Variants in BMP6 observed in about 807,000 individuals in gnomAD.
The protein encoded by BMP6 is VG-1-R.
BMP6 carries 17 observed loss-of-function variants against 54.1 expected under a neutral mutation model. The ratio of observed to expected loss-of-function variants is 0.31; its 90% CI spans 0.22 to 0.47. The LOEUF (loss-of-function observed/expected upper bound fraction) is 0.47, where lower values mean the gene tolerates loss of function less well. Ranked by LOEUF, BMP6 falls within the 20% of genes least tolerant of loss-of-function variation. BMP6 has a pLI of 1.00. For synonymous variants in BMP6, 328 were observed against 291.2 expected, an observed-to-expected ratio of 1.13 and a Z score of -1.28; for missense variants, 720 against 690.4, an observed-to-expected ratio of 1.04 and a Z score of -0.48.
intron 1 of BMP6, among the ~76,000 whole-genome samples, chr6:7,802,353 A>G (rs1419932020): frequency 6.6e-6 from 1 of 152,244 alleles, no homozygotes; most frequent in Non-Finnish European, 1.5e-5. Context: ...CTATGATGGT[A>G]ATGAAACAGG....
intron 1 of BMP6, among the ~76,000 whole-genome samples, chr6:7,796,879 A>G (rs1758198693): frequency 6.6e-6 from 1 of 152,240 alleles, no homozygotes; most frequent in Non-Finnish European, 1.5e-5. Flanking sequence ...CATCTTATTC[A>G]AAGCTATTCA....
At chr6:7,790,226 C>T (rs1162153768) in intron 1 of BMP6, among the ~76,000 whole-genome samples, 1 of 152,142 alleles carries the variant, frequency 6.6e-6, no homozygotes, top group Non-Finnish European at 1.5e-5. Flanking sequence ...CTTGAGAACA[C>T]ACACAAGGCT....
rs548593250 is a variant in BMP6 at position 7,881,520 on chromosome 6, T to TAAA, written c.*1184_*1186dup. 1 of 151,476 alleles carries TAAA rather than the reference T, an allele frequency of 6.6e-6. No homozygotes were observed. Among genetic ancestry groups the TAAA allele is most frequent in the South Asian group, 2.1e-4 (1 of 4,784 alleles). The allele number at this position is 151,476 out of a possible 1,614,324, so 9.4% of individuals were successfully genotyped here. ...AACATTGAAGGAAAGACCAGACTTTTAAAAAAAAAGAGTTTATTTAGAAAG... is the reference window on the plus strand; with the variant it reads ...AACATTGAAGGAAAGACCAGACTTTTAAAAAAAAAAAAGAGTTTATTTAGAAAG... On this transcript the variant is annotated 3_prime_UTR_variant, in exon 7 of 7. Coordinates refer to ENST00000283147, the MANE Select transcript of BMP6 (RefSeq NM_001718.6).
chr6:7,766,534 C>T (rs1015229616), intron 1 of BMP6, among the ~76,000 whole-genome samples: 2 of 152,184 alleles, frequency 1.3e-5, no homozygotes, highest in African/African-American at 4.8e-5. Flanking sequence ...AGGAGAATCA[C>T]TTGAACCTGG....
intron 1 of BMP6, among the ~76,000 whole-genome samples, chr6:7,832,240 C>CGA (rs1225749577): frequency 6.6e-6 from 1 of 152,088 alleles, no homozygotes; most frequent in Non-Finnish European, 1.5e-5. Context: ...TGCAATAGAC[C>CGA]GAATGTTTGT....
chr6:7,781,335 C>CATCAGAGGGGGATTGTTGAATA (rs1457748881), intron 1 of BMP6, among the ~76,000 whole-genome samples: 16 of 151,822 alleles, frequency 1.1e-4, no homozygotes, highest in Non-Finnish European at 1.8e-4. Flanking sequence ...CTCGTTCATA[C>CATCAGAGGGGGATTGTTGAATA]GTACCATGCC....
intron 1 of BMP6, among the ~76,000 whole-genome samples, chr6:7,749,224 T>C (rs570235430): frequency 2.0e-4 from 31 of 152,368 alleles, no homozygotes; most frequent in African/African-American, 7.2e-4. Context: ...GGATTGCCAG[T>C]ATCAGGAAAA....
chr6:7,784,622 T>C (rs889738277), intron 1 of BMP6, among the ~76,000 whole-genome samples: 4 of 152,228 alleles, frequency 2.6e-5, no homozygotes, highest in Non-Finnish European at 5.9e-5. Context: ...TTTGGCAAAA[T>C]TCATTTTTTC....
intron 4 of BMP6, among the ~76,000 whole-genome samples, chr6:7,866,333 T>A (rs989743774): frequency 1.1e-4 from 17 of 152,264 alleles, no homozygotes; most frequent in African/African-American, 3.9e-4. Context: ...CCTCCATTTC[T>A]TACCAGCCTG....
At chr6:7,798,106 TTGG>T (rs1176524698) in intron 1 of BMP6, among the ~76,000 whole-genome samples, 3 of 152,210 alleles carry the variant, frequency 2.0e-5, no homozygotes, top group African/African-American at 7.2e-5. Context: ...GTTGACTTGT[TTGG>T]TGGGGTGTGA....
At chr6:7,779,163 A>T (rs1757903433) in intron 1 of BMP6, among the ~76,000 whole-genome samples, 1 of 152,212 alleles carries the variant, frequency 6.6e-6, no homozygotes, top group Admixed American at 6.5e-5. Flanking sequence ...CCCAGGCTAT[A>T]GCCCAGCAAA....
At chr6:7,733,728 T>TA (rs746575210) in intron 1 of BMP6, among the ~76,000 whole-genome samples, 3 of 152,230 alleles carry the variant, frequency 2.0e-5, no homozygotes, top group Non-Finnish European at 4.4e-5. Context: ...ATCATACCCT[T>TA]ACCTTCTCTT....
chr6:7,782,145 G>A (rs1020434954), intron 1 of BMP6, among the ~76,000 whole-genome samples: 9 of 151,362 alleles, frequency 5.9e-5, no homozygotes, highest in Non-Finnish European at 1.3e-4. Flanking sequence ...TGGATAAGAT[G>A]TGAAGGAGTG....
intron 1 of BMP6, among the ~76,000 whole-genome samples, chr6:7,838,094 G>A (rs988454772): frequency 1.3e-5 from 2 of 152,158 alleles, no homozygotes; most frequent in Admixed American, 6.5e-5. Context: ...CCACAGTTTC[G>A]GTTTCCACAG....
intron 1 of BMP6, among the ~76,000 whole-genome samples, chr6:7,762,895 G>C (rs550854791): frequency 6.6e-6 from 1 of 152,332 alleles, no homozygotes; most frequent in Non-Finnish European, 1.5e-5. Context: ...ACGCAGATGT[G>C]CAGCCAGCTG....
intron 1 of BMP6, among the ~76,000 whole-genome samples, chr6:7,818,071 C>G (rs1325828588): frequency 6.6e-6 from 1 of 152,158 alleles, no homozygotes; most frequent in African/African-American, 2.4e-5. Flanking sequence ...TAGACCAAAT[C>G]CATGGCTTAG....
At chr6:7,872,265 T>A (rs1759539988) in intron 4 of BMP6, among the ~76,000 whole-genome samples, 1 of 149,996 alleles carries the variant, frequency 6.7e-6, no homozygotes, top group Admixed American at 6.7e-5. Flanking sequence ...GAAAGTTTTT[T>A]CTGTAATCTG....
chr6:7,867,216 C>G (rs961841375), intron 4 of BMP6, among the ~76,000 whole-genome samples: 1 of 152,150 alleles, frequency 6.6e-6, no homozygotes, highest in Admixed American at 6.5e-5. Context: ...TTCCCACCCC[C>G]AAACATGTAT....
chr6:7,878,940 G>A (rs1759666080), intron 4 of BMP6, 134 bp from the exon 5 acceptor site: 1 of 843,370 alleles, frequency 1.2e-6, no homozygotes, highest in Non-Finnish European at 2.0e-6. Context: ...TAGCTGTTGG[G>A]TGACCATACT....
Sources: allele counts gnomAD v4.1 joint callset (sites outside exome capture counted in the v4.1 genomes callset), GRCh38; gene constraint gnomAD v4.1.1; transcripts MANE v1.5; gene names NCBI Gene and HGNC (gene_info 2026-07-23, HGNC 2026-07-21).